Variants in TRAPPC9 observed in about 807,000 individuals in gnomAD.
TRAPPC9 encodes the protein IKK2 binding protein.
In TRAPPC9, 83 loss-of-function variants were observed where a neutral mutation model predicts 124.0. That is an observed-to-expected ratio of 0.67 (90% CI 0.56 to 0.80). The LOEUF is 0.80. Among genes scored for constraint, TRAPPC9 ranks in the 30% least tolerant of loss-of-function variants. The probability of loss-of-function intolerance (pLI) is 0.00; values close to 1 mark genes in which losing one functional copy is unlikely to be tolerated. For synonymous variants in TRAPPC9, 638 were observed against 617.5 expected, an observed-to-expected ratio of 1.03 and a Z score of -0.49; for missense variants, 1,302 against 1,508.3, an observed-to-expected ratio of 0.86 and a Z score of 2.27.
At chr8:139,993,164 A>T (rs1165600946) in intron 18 of TRAPPC9, among the ~76,000 whole-genome samples, 1 of 152,246 alleles carries the variant, frequency 6.6e-6, no homozygotes, top group Admixed American at 6.5e-5. Flanking sequence ...CATTTGCAAC[A>T]TATTAAATTG....
chr8:140,290,991 A>G lies in TRAPPC9; in HGVS notation c.1854+2T>C. On this transcript the variant is annotated splice_donor_variant, in intron 12 of 22. Transcript: ENST00000438773. LOFTEE classifies it high-confidence loss of function. ...AAAGGTCAAATGATTGGTGATACAT[A>G]CCATGTTTTCAACTCGAAGTTCAAA... 6.2e-7 allele frequency: 1 copy of G among 1,613,722 alleles called. No homozygotes were observed. The highest frequency in any genetic ancestry group is 8.5e-7 in the Non-Finnish European group (1 of 1,179,602).
rs567776268 is a variant in TRAPPC9 at position 139,771,827 on chromosome 8, C to T, written c.3056-39625G>A. Among the ~76,000 whole-genome samples, 5 of 152,362 alleles carry T rather than the reference C, an allele frequency of 3.3e-5. No homozygotes were observed. The East Asian group carries it at 5.8e-4, about 18-fold the overall frequency. ...CTCTCCTGGCCAGGCCAGGCACCCT[C>T]GGCCTTTAGGGTCAGGTGTGTCTCT... On this transcript the variant is annotated intron_variant, in intron 21 of 22. Transcript: ENST00000438773.
chr8:139,956,757 C>A (rs1319156561), intron 19 of TRAPPC9, among the ~76,000 whole-genome samples: 1 of 152,194 alleles, frequency 6.6e-6, no homozygotes, highest in Admixed American at 6.5e-5. Context: ...GTTGTGCCAC[C>A]CCGGGCAGGT....
At chr8:139,888,269 C>T (rs192782492) in intron 20 of TRAPPC9, among the ~76,000 whole-genome samples, 120 of 152,302 alleles carry the variant, frequency 7.9e-4, no homozygotes, top group Admixed American at 2.3e-3. Flanking sequence ...GAGCTTGGTG[C>T]CGAAAAGGGC....
At chr8:140,215,361 C>T (rs887186572) in intron 17 of TRAPPC9, among the ~76,000 whole-genome samples, 4 of 152,056 alleles carry the variant, frequency 2.6e-5, no homozygotes, top group Non-Finnish European at 5.9e-5. Context: ...AGAGGGCAGG[C>T]GCCGGGCACG....
intron 7 of TRAPPC9, among the ~76,000 whole-genome samples, chr8:140,390,296 C>T (rs2068890367): frequency 6.6e-6 from 1 of 152,004 alleles, no homozygotes; most frequent in South Asian, 2.1e-4. Context: ...GAAAGTGAGA[C>T]CCTGTCTCTA....
chr8:139,813,212 A>G (rs1824565616), intron 21 of TRAPPC9, among the ~76,000 whole-genome samples: 2 of 152,238 alleles, frequency 1.3e-5, no homozygotes, highest in African/African-American at 4.8e-5. Context: ...ATGAGGTCTC[A>G]CATCTGTGTG....
In TRAPPC9 at chr8:140,087,196, T is replaced by C. The variant is rs1364538103; in HGVS notation, c.2557-63117A>G. On this transcript the variant is annotated intron_variant, in intron 17 of 22. Coordinates refer to ENST00000438773, the MANE Select transcript of TRAPPC9 (RefSeq NM_001160372.4). This position sits in a 1 kb window ranked among gnomAD's most constrained non-coding sequence, Gnocchi z 4.6. ...AGCCACGCCCCATGTTTCCAGCTTT[T>C]GAGCTGCCTGCTTTTCTTCCCAGTC... 1.3e-5 allele frequency among the ~76,000 whole-genome samples: 2 copies of C among 152,216 alleles called. No homozygotes were observed. The highest frequency in any genetic ancestry group is 4.8e-5 in the African/African-American group (2 of 41,436).
chr8:140,265,598 C>T (rs1424563697), intron 15 of TRAPPC9, among the ~76,000 whole-genome samples: 2 of 152,204 alleles, frequency 1.3e-5, no homozygotes, highest in African/African-American at 4.8e-5. Context: ...GAATCCTACA[C>T]AGTAATATGC....
intron 17 of TRAPPC9, among the ~76,000 whole-genome samples, chr8:140,078,846 C>G (rs1279413530): frequency 6.6e-6 from 1 of 152,126 alleles, no homozygotes; most frequent in Non-Finnish European, 1.5e-5. Context: ...AGCAATGGCT[C>G]AAGGCTTTTC....
chr8:140,369,617 A>G (rs570141433), intron 8 of TRAPPC9, among the ~76,000 whole-genome samples: 52 of 152,322 alleles, frequency 3.4e-4, no homozygotes, highest in Non-Finnish European at 6.2e-4. Context: ...ACCTTCAGTC[A>G]GCAGAGGCCA....
At chr8:140,121,839 G>A (rs1425073176) in intron 17 of TRAPPC9, among the ~76,000 whole-genome samples, 1 of 151,986 alleles carries the variant, frequency 6.6e-6, no homozygotes, top group African/African-American at 2.4e-5. Flanking sequence ...CTCTTAAAGG[G>A]GTCCCATGAT....
At chr8:139,915,890 T>G (rs1006653230) in intron 19 of TRAPPC9, among the ~76,000 whole-genome samples, 8 of 152,222 alleles carry the variant, frequency 5.3e-5, no homozygotes, top group Non-Finnish European at 7.3e-5. Flanking sequence ...ATAAGAAGCA[T>G]ACTTGTTGGG....
chr8:140,081,058 G>A (rs2129995882), intron 17 of TRAPPC9, among the ~76,000 whole-genome samples: 1 of 152,246 alleles, frequency 6.6e-6, no homozygotes, highest in East Asian at 1.9e-4. Flanking sequence ...ACCCACCCTG[G>A]CTCTGGAGGT....
chr8:139,865,194 G>C (rs576166694), intron 21 of TRAPPC9, among the ~76,000 whole-genome samples: 1 of 152,298 alleles, frequency 6.6e-6, no homozygotes, highest in African/African-American at 2.4e-5. Flanking sequence ...TGCTCTCAGG[G>C]CAAGAGCCAC....
chr8:139,754,149 C>G (rs1005177576), intron 21 of TRAPPC9, among the ~76,000 whole-genome samples: 3 of 152,180 alleles, frequency 2.0e-5, no homozygotes, highest in African/African-American at 4.8e-5. Context: ...AAGGCCCCCC[C>G]AGCCTGCTGC....
chr8:139,861,600 T>C (rs933803312), intron 21 of TRAPPC9, among the ~76,000 whole-genome samples: 2 of 152,170 alleles, frequency 1.3e-5, no homozygotes, highest in African/African-American at 4.8e-5. Context: ...CTGAACATAC[T>C]GACGTATTGA....
intron 18 of TRAPPC9, among the ~76,000 whole-genome samples, chr8:140,009,669 C>A (rs998808272): frequency 6.6e-6 from 1 of 152,188 alleles, no homozygotes; most frequent in Non-Finnish European, 1.5e-5. Context: ...AGAATTACTG[C>A]GGCAGGACTG....
intron 9 of TRAPPC9, among the ~76,000 whole-genome samples, chr8:140,355,287 C>T (rs747482719): frequency 1.8e-4 from 28 of 152,280 alleles, no homozygotes; most frequent in Non-Finnish European, 2.5e-4. Flanking sequence ...ATAGTGATTT[C>T]GTTCTCTGTT....
Sources: gnomAD v4.1 joint callset for allele counts (sites outside exome capture counted in the v4.1 genomes callset) on GRCh38, gnomAD v4.1.1 for gene constraint, Gnocchi (gnomAD v3.1) non-coding constraint, MANE v1.5 for transcripts, NCBI Gene and HGNC (gene_info 2026-07-23, HGNC 2026-07-21) for gene names.